HK1: variants seen among roughly 807,000 people sequenced by gnomAD.
The protein encoded by HK1 is hexokinase-1.
HK1 carries 28 observed loss-of-function variants against 91.6 expected under a neutral mutation model. The observed-to-expected ratio is 0.31, with a 90% CI of 0.23 to 0.42. The LOEUF (loss-of-function observed/expected upper bound fraction) is 0.42. Among genes scored for constraint, HK1 ranks in the 10% least tolerant of loss-of-function variants. The probability of loss-of-function intolerance (pLI) is 1.00; values close to 1 mark genes in which losing one functional copy is unlikely to be tolerated. For missense variants in HK1, 770 were observed against 1,219.8 expected (o/e 0.63, Z 5.49); for synonymous variants, 430 against 468.1 (o/e 0.92, Z 1.05).
At chr10:69,350,586 C>T (rs888869160) in intron 2 of HK1, among the ~76,000 whole-genome samples, 12 of 151,472 alleles carry the variant, frequency 7.9e-5, no homozygotes, top group East Asian at 2.0e-4. Flanking sequence ...TGCTTGAACC[C>T]GGGAGTTGGA....
intron 16 of HK1, among the ~76,000 whole-genome samples, chr10:69,397,956 A>G (rs1017171623): frequency 6.6e-6 from 1 of 152,240 alleles, no homozygotes; most frequent in Non-Finnish European, 1.5e-5. Flanking sequence ...TTTTCCAGTG[A>G]GGATAAGTGT....
At chr10:69,270,300 G>A (rs1261910730) in intron 1 of HK1, among the ~76,000 whole-genome samples, 1 of 152,112 alleles carries the variant, frequency 6.6e-6, no homozygotes, top group African/African-American at 2.4e-5. Context: ...AGCATCTTTG[G>A]CTGGGCGTGG....
chr10:69,346,298 C>G (rs1006439863), intron 2 of HK1, among the ~76,000 whole-genome samples: 1 of 152,204 alleles, frequency 6.6e-6, no homozygotes, highest in Admixed American at 6.5e-5. Flanking sequence ...TTGGCGCTCA[C>G]CATGGTGGAG....
chr10:69,328,758 A>G (rs1276607488), intron 1 of HK1, among the ~76,000 whole-genome samples: 1 of 152,170 alleles, frequency 6.6e-6, no homozygotes, highest in African/African-American at 2.4e-5. Context: ...GAATATTTTC[A>G]TCACCCTCCG....
At chr10:69,289,870 C>T (rs568289640) in intron 3 of HK1, among the ~76,000 whole-genome samples, 24 of 151,582 alleles carry the variant, frequency 1.6e-4, no homozygotes, top group African/African-American at 5.8e-4. Context: ...ATCCTCCCAC[C>T]TCATCCTCCC....
chr10:69,355,836 G>T (rs926325005), intron 2 of HK1, among the ~76,000 whole-genome samples: 1 of 151,992 alleles, frequency 6.6e-6, no homozygotes, highest in Non-Finnish European at 1.5e-5. Context: ...CATACATTAC[G>T]GTCAATTGAC....
intron 9 of HK1, 57 bp from the exon 10 acceptor site, chr10:69,382,430 G>A (rs1839435238): frequency 1.9e-6 from 3 of 1,549,542 alleles, no homozygotes; most frequent in Admixed American, 1.7e-5. Context: ...GGTGGCCGGA[G>A]GTCCCCAATA....
At chr10:69,307,218 C>T (rs1564498673) in intron 5 of HK1, among the ~76,000 whole-genome samples, 2 of 152,040 alleles carry the variant, frequency 1.3e-5, no homozygotes, top group African/African-American at 2.4e-5. Context: ...CAGAAAACAG[C>T]GAGAGAGGAG....
At chr10:69,393,644 G>A (rs886299681) in intron 15 of HK1, among the ~76,000 whole-genome samples, 2 of 152,250 alleles carry the variant, frequency 1.3e-5, no homozygotes, top group African/African-American at 4.8e-5. Flanking sequence ...AAAAGAGGAA[G>A]AACCAATAGT....
At chr10:69,274,352 C>T (rs1425989064) in intron 1 of HK1, among the ~76,000 whole-genome samples, 1 of 152,206 alleles carries the variant, frequency 6.6e-6, no homozygotes, top group Non-Finnish European at 1.5e-5. Context: ...AATCCCAGCA[C>T]TTTGGGAGGC....
intron 1 of HK1, among the ~76,000 whole-genome samples, chr10:69,280,234 C>G (rs1564749349): frequency 6.6e-6 from 1 of 152,158 alleles, no homozygotes; most frequent in African/African-American, 2.4e-5. Flanking sequence ...GCCTCAGCCT[C>G]CCAAGTAGCT....
At chr10:69,350,900 G>A (rs1398427852) in intron 2 of HK1, among the ~76,000 whole-genome samples, 2 of 151,570 alleles carry the variant, frequency 1.3e-5, no homozygotes, top group African/African-American at 4.9e-5. Context: ...GCCGGGCGCC[G>A]TGGCTCACGC....
At position 69,398,724 on chromosome 10, in the gene HK1, C is replaced by T. The variant is rs1005574736; in HGVS notation, c.2505C>T (p.Gly835=). The T allele has an allele frequency of 2.5e-5, 41 of 1,614,048 alleles. No homozygotes were observed. Among genetic ancestry groups the T allele is most frequent in the Middle Eastern group, 1.6e-4 (1 of 6,084 alleles). ...VVSRRAAQLC[G]AGMAAVVDKI... is the part of the protein sequence containing the mutation. ...CCAGGAGGGCCGCACAGCTGTGTGG[C>T]GCAGGCATGGCTGCGGTTGTGGATA... Residue 835 remains glycine, a synonymous_variant, in exon 17 of 18, where the codon GGC becomes GGT. Coordinates refer to ENST00000359426, the MANE Select transcript of HK1 (RefSeq NM_000188.3).
At chr10:69,285,085 C>G (rs981400400) in intron 2 of HK1, among the ~76,000 whole-genome samples, 2 of 152,070 alleles carry the variant, frequency 1.3e-5, no homozygotes, top group Non-Finnish European at 2.9e-5. Flanking sequence ...TCCCCAAATG[C>G]TGGGATTACA....
intron 2 of HK1, among the ~76,000 whole-genome samples, chr10:69,345,370 G>C (rs1291533316): frequency 1.3e-5 from 2 of 152,154 alleles, no homozygotes; most frequent in East Asian, 3.8e-4. Context: ...GGTCTACCCT[G>C]GGTGTGTTCG....
chr10:69,389,135 G>C, intron 13 of HK1, 62 bp from the exon 14 acceptor site: 1 of 1,279,792 alleles, frequency 7.8e-7, no homozygotes, highest in Non-Finnish European at 1.1e-6. Context: ...AGACAGAACC[G>C]GCAGCATTCA....
At position 69,401,238 on chromosome 10, in the gene HK1, C is replaced by T. The variant is rs906451156; in HGVS notation, c.*103C>T. The T allele has an allele frequency of 1.8e-5, 25 of 1,401,030 alleles. No individual in the cohort carries two copies. Among genetic ancestry groups the T allele is most frequent in the Non-Finnish European group, 2.4e-5 (25 of 1,021,404 alleles). The allele number at this position is 1,401,030 out of a possible 1,614,324, so 86.8% of individuals were successfully genotyped here. ...GCGCTGGGAGACGCTGGCGCCAGGG[C>T]CTGCCGGCGCGGGGAGGAAAGCAAA... On this transcript the variant is annotated 3_prime_UTR_variant, in exon 18 of 18. Coordinates refer to ENST00000359426, the MANE Select transcript of HK1 (RefSeq NM_000188.3).
chr10:69,400,888 G>A lies in HK1; in HGVS notation c.2610-103G>A, dbSNP rs574987700. 49 of 1,248,770 alleles carry A rather than the reference G, an allele frequency of 3.9e-5. No individual in the cohort carries two copies. In the African/African-American group the frequency reaches 4.6e-4, roughly 12 times the overall value. 77.4% of individuals were successfully genotyped at this position (1,248,770 alleles called of 1,614,324 possible). A position where few individuals can be genotyped will look rare whatever the true frequency, so the allele number is the denominator to read the frequency against. On this transcript the variant is annotated intron_variant, in intron 17 of 17. Transcript: ENST00000359426. ...TCACAAAGTCGAAGAATCCTAAGTC[G>A]AATCATCACCAGTCAGGGGGCTGTC...
chr10:69,288,803 T>C (rs779611364), intron 3 of HK1: 7 of 1,590,514 alleles, frequency 4.4e-6, no homozygotes, highest in South Asian at 1.1e-5. Context: ...TTCTTTCTTT[T>C]TTTGAGACGT....
Sources: gnomAD v4.1 joint callset for allele counts (sites outside exome capture counted in the v4.1 genomes callset) on GRCh38, gnomAD v4.1.1 for gene constraint, MANE v1.5 for transcripts, NCBI Gene and HGNC (gene_info 2026-07-23, HGNC 2026-07-21) for gene names.